The following PIGK variants were observed in gnomAD, a reference collection of about 807,000 sequenced individuals.
PIGK encodes phosphatidylinositol glycan anchor biosynthesis class K.
A neutral mutation model predicts 50.6 loss-of-function variants in PIGK; 42 were observed. That is an observed-to-expected ratio of 0.83 (90% CI 0.65 to 1.07). PIGK has a LOEUF of 1.07. Ranked by LOEUF, PIGK falls within the 50% of genes least tolerant of loss-of-function variation. The pLI, the probability that PIGK is intolerant of heterozygous loss-of-function variation, is 0.00. For synonymous variants in PIGK, 151 were observed against 156.0 expected, an observed-to-expected ratio of 0.97 and a Z score of 0.24; for missense variants, 448 against 488.7, an observed-to-expected ratio of 0.92 and a Z score of 0.78.
chr1:77,113,450 T>A (rs1653898309), intron 10 of PIGK, among the ~76,000 whole-genome samples: 1 of 152,112 alleles, frequency 6.6e-6, no homozygotes, highest in Non-Finnish European at 1.5e-5. Context: ...TTTAGTTGTA[T>A]GTAGCTAATT....
At chr1:77,095,712 A>G (rs1436967582) in intron 10 of PIGK, among the ~76,000 whole-genome samples, 2 of 152,086 alleles carry the variant, frequency 1.3e-5, no homozygotes, top group Admixed American at 6.6e-5. Context: ...TTTTCCATAT[A>G]CTTCACCTTT....
At chr1:77,162,475 A>G (rs1179021337) in intron 6 of PIGK, among the ~76,000 whole-genome samples, 1 of 152,162 alleles carries the variant, frequency 6.6e-6, no homozygotes. Context: ...TGGTTTCAAA[A>G]AGGTAGAATA....
rs1654827035 is a variant in PIGK, at chr1:77,148,762, T to C, written c.986+5687A>G. 3.3e-5 allele frequency among the ~76,000 whole-genome samples: 5 copies of C among 151,682 alleles called. No individual in the cohort carries two copies. In the South Asian group the frequency reaches 1.0e-3, roughly 31 times the overall value. On this transcript the variant is annotated intron_variant, in intron 9 of 10. Transcript: ENST00000370812. ...ACAGAGTCTTGCTCTGTCGCCAAGC[T>C]GGAGTGCAGTGGCGCGATCTCGGCT...
In PIGK at chr1:77,206,718, CG is replaced by C; in HGVS notation, c.160del (p.Arg54AspfsTer22). 1 of 1,606,830 alleles carries C rather than the reference CG, an allele frequency of 6.2e-7. No homozygotes were observed. The highest frequency in any genetic ancestry group is 8.5e-7 in the Non-Finnish European group (1 of 1,173,944). On this transcript the variant is annotated frameshift_variant, in exon 3 of 11. Transcript: ENST00000370812. LOFTEE classifies it high-confidence loss of function. ...NNWAVLVCTS[R>X]FWFNYRHVAN... Reference sequence around the variant, plus strand: ...AACATGTCGATAATTAAACCAGAATCGGGATGTACACACCTGAAGTATTAAA... The same window carrying C: ...AACATGTCGATAATTAAACCAGAATCGGATGTACACACCTGAAGTATTAAA...
intron 3 of PIGK, among the ~76,000 whole-genome samples, chr1:77,192,849 C>T (rs1025698102): frequency 6.6e-6 from 1 of 152,020 alleles, no homozygotes; most frequent in African/African-American, 2.4e-5. Context: ...CTAATAAGAT[C>T]TTTCTTGATT....
intron 3 of PIGK, among the ~76,000 whole-genome samples, chr1:77,178,984 T>C (rs1232345717): frequency 6.6e-6 from 1 of 152,220 alleles, no homozygotes; most frequent in Non-Finnish European, 1.5e-5. Context: ...TTAAAAGTTA[T>C]GGGTGGCCAC....
At chr1:77,199,785 C>T (rs138760463) in intron 3 of PIGK, among the ~76,000 whole-genome samples, 4 of 152,110 alleles carry the variant, frequency 2.6e-5, no homozygotes, top group African/African-American at 9.6e-5. Flanking sequence ...ACTTATATCA[C>T]AGCTATCTTC....
At chr1:77,135,995 C>T (rs1654501479) in intron 9 of PIGK, among the ~76,000 whole-genome samples, 1 of 152,074 alleles carries the variant, frequency 6.6e-6, no homozygotes. Context: ...TACAGCGTTC[C>T]TATTTACACT....
intron 9 of PIGK, among the ~76,000 whole-genome samples, chr1:77,151,971 A>G (rs1654903073): frequency 6.6e-6 from 1 of 152,280 alleles, no homozygotes; most frequent in African/African-American, 2.4e-5. Context: ...CAAAATTCCA[A>G]TGGCACTTTT....
In PIGK at chr1:77,093,564, C is replaced by T. The variant is rs182707578; in HGVS notation, c.1072-1074G>A. Among the ~76,000 whole-genome samples, 178 of 152,142 alleles carry T rather than the reference C, an allele frequency of 1.2e-3. 1 individual carries two copies. Among genetic ancestry groups the T allele is most frequent in the African/African-American group, 4.1e-3 (172 of 41,528 alleles). On this transcript the variant is annotated intron_variant, in intron 10 of 10. Transcript: ENST00000370812. Reference sequence around the variant, plus strand: ...TCAAACTAAAAGGAAAGAAAGCTACCTCAATATTTTAACTTGAATCATAAT... The same window carrying T: ...TCAAACTAAAAGGAAAGAAAGCTACTTCAATATTTTAACTTGAATCATAAT...
chr1:77,175,436 A>C (rs1197882647), intron 3 of PIGK, among the ~76,000 whole-genome samples: 2 of 152,188 alleles, frequency 1.3e-5, no homozygotes, highest in African/African-American at 4.8e-5. Flanking sequence ...AAGTCATGAA[A>C]GGATTCATGA....
At chr1:77,157,919 G>A (rs1655044387) in intron 8 of PIGK, among the ~76,000 whole-genome samples, 1 of 152,284 alleles carries the variant, frequency 6.6e-6, no homozygotes, top group Admixed American at 6.5e-5. Context: ...CATGTAAGAT[G>A]TGCCCTTACA....
chr1:77,181,915 T>C (rs1049105430), intron 3 of PIGK, among the ~76,000 whole-genome samples: 26 of 152,206 alleles, frequency 1.7e-4, no homozygotes, highest in African/African-American at 6.3e-4. Context: ...CAATGCACTG[T>C]GAAATTCATC....
chr1:77,144,010 AT>A (rs1330375157), intron 9 of PIGK, among the ~76,000 whole-genome samples: 1 of 152,080 alleles, frequency 6.6e-6, no homozygotes, highest in African/African-American at 2.4e-5. Flanking sequence ...TAGAGTTATT[AT>A]TCTCATTTTA....
chr1:77,176,713 T>C (rs1655497531), intron 3 of PIGK, among the ~76,000 whole-genome samples: 1 of 152,176 alleles, frequency 6.6e-6, no homozygotes, highest in South Asian at 2.1e-4. Flanking sequence ...TTACCTATGA[T>C]AACCCATCAG....
intron 9 of PIGK, among the ~76,000 whole-genome samples, chr1:77,136,167 T>C (rs931178443): frequency 3.3e-5 from 5 of 152,208 alleles, no homozygotes; most frequent in East Asian, 1.9e-4. Context: ...TCTAAGCTAA[T>C]AGTAATTTTC....
chr1:77,161,594 C>T lies in PIGK; in HGVS notation c.702G>A (p.Ser234=), dbSNP rs142473240. The T allele has an allele frequency of 7.4e-6, 10 of 1,350,278 alleles. No individual in the cohort carries two copies. The highest frequency in any genetic ancestry group is 2.9e-5 in the African/African-American group (2 of 69,842). The allele number at this position is 1,350,278 out of a possible 1,614,324, so 83.6% of individuals were successfully genotyped here. A position where few individuals can be genotyped will look rare whatever the true frequency, so the allele number is the denominator to read the frequency against. ...ASSQVGEDSL[S]HQPDPAIGVH... ...TTACAAATGGGGAAAATGCACATACCGAGAGTGAATCTTCTCCCACTTGAC... is the reference window on the plus strand; with the variant it reads ...TTACAAATGGGGAAAATGCACATACTGAGAGTGAATCTTCTCCCACTTGAC... The change falls in exon 7 of 11, where the codon TCG becomes TCA. Residue 234 remains serine (S), a splice_region_variant and synonymous_variant. Coordinates refer to ENST00000370812, the MANE Select transcript of PIGK (RefSeq NM_005482.3).
intron 5 of PIGK, among the ~76,000 whole-genome samples, chr1:77,165,201 T>A (rs1655208809): frequency 6.6e-6 from 1 of 152,020 alleles, no homozygotes; most frequent in Non-Finnish European, 1.5e-5. Context: ...TCCAACAGAA[T>A]CAGGAAACAA....
At chr1:77,206,614 G>C in intron 3 of PIGK, 26 bp downstream of exon 3, 1 of 1,227,402 alleles carries the variant, frequency 8.1e-7, no homozygotes. Flanking sequence ...TGAAGTTCAA[G>C]GTTAAGCTTT....
Sources: gnomAD v4.1 joint callset for allele counts (sites outside exome capture counted in the v4.1 genomes callset) on GRCh38, gnomAD v4.1.1 for gene constraint, MANE v1.5 for transcripts, NCBI Gene and HGNC (gene_info 2026-07-23, HGNC 2026-07-21) for gene names.